ADAMTSL1: variants seen among roughly 807,000 people sequenced by gnomAD.
ADAMTSL1 encodes ADAMTS like 1, also known as ADAMTS-like protein 1.
ADAMTSL1 carries 126 observed loss-of-function variants against 201.8 expected under a neutral mutation model. The observed-to-expected ratio is 0.62, with a 90% confidence interval of 0.54 to 0.72. The LOEUF (loss-of-function observed/expected upper bound fraction) is 0.72. Ranked by LOEUF, ADAMTSL1 falls within the 30% of genes least tolerant of loss-of-function variation. ADAMTSL1 has a pLI of 0.00. For missense variants in ADAMTSL1, 2,679 were observed against 2,277.8 expected, an observed-to-expected ratio of 1.18 and a Z score of -3.59; for synonymous variants, 1,121 against 903.4, an observed-to-expected ratio of 1.24 and a Z score of -4.32.
chr9:18,894,928 C>T (rs1829525341), intron 26 of ADAMTSL1, among the ~76,000 whole-genome samples: 3 of 151,712 alleles, frequency 2.0e-5, no homozygotes, highest in Admixed American at 2.0e-4. Context: ...TAGGAAAATT[C>T]ACAGAGACCA....
chr9:17,946,052 ATGTGTATGTGTGTGTGTG>A (rs1166949098), intron 1 of ADAMTSL1, among the ~76,000 whole-genome samples: 4 of 107,566 alleles, frequency 3.7e-5, no homozygotes, highest in African/African-American at 1.3e-4. Flanking sequence ...TAAGCTCATG[ATGTGTATGTGTGTGTGTG>A]TGTGTGTGTG....
intron 1 of ADAMTSL1, among the ~76,000 whole-genome samples, chr9:18,034,388 G>T (rs1399051565): frequency 6.6e-6 from 1 of 151,912 alleles, no homozygotes; most frequent in Non-Finnish European, 1.5e-5. Context: ...TCTCCTCTCT[G>T]GCCATCTTGC....
intron 23 of ADAMTSL1, among the ~76,000 whole-genome samples, chr9:18,869,860 T>C (rs1827777505): frequency 6.6e-6 from 1 of 152,188 alleles, no homozygotes; most frequent in Admixed American, 6.5e-5. Flanking sequence ...TTGAGGATTT[T>C]ATTTCTTCCA....
At chr9:18,625,199 A>G (rs1035939629) in intron 5 of ADAMTSL1, among the ~76,000 whole-genome samples, 23 of 151,994 alleles carry the variant, frequency 1.5e-4, no homozygotes, top group African/African-American at 5.1e-4. Context: ...TCAGCTCGCC[A>G]CATGCTCTCT....
At chr9:18,351,659 C>T (rs981210426) in intron 2 of ADAMTSL1, among the ~76,000 whole-genome samples, 1 of 152,168 alleles carries the variant, frequency 6.6e-6, no homozygotes, top group Admixed American at 6.5e-5. Flanking sequence ...TTAAACTTGA[C>T]CTTCTAATAT....
At chr9:18,273,585 A>G (rs1268935821) in intron 2 of ADAMTSL1, among the ~76,000 whole-genome samples, 4 of 152,322 alleles carry the variant, frequency 2.6e-5, no homozygotes, top group African/African-American at 9.6e-5. Flanking sequence ...CCAAATTTGA[A>G]AATATATTCT....
At chr9:17,930,794 G>T (rs190551736) in intron 1 of ADAMTSL1, among the ~76,000 whole-genome samples, 9 of 152,274 alleles carry the variant, frequency 5.9e-5, no homozygotes, top group South Asian at 4.1e-4. Context: ...AGTTAGAAAT[G>T]CACTATGTGC....
chr9:18,656,408 G>T (rs1828661918), intron 7 of ADAMTSL1, among the ~76,000 whole-genome samples: 1 of 152,056 alleles, frequency 6.6e-6, no homozygotes, highest in African/African-American at 2.4e-5. Flanking sequence ...GAGGCGGGCA[G>T]ATCACGAGGT....
intron 1 of ADAMTSL1, among the ~76,000 whole-genome samples, chr9:17,955,752 G>A (rs1588473734): frequency 6.6e-6 from 1 of 152,090 alleles, no homozygotes; most frequent in African/African-American, 2.4e-5. Flanking sequence ...TATTATAGTT[G>A]TTAATCTCTT....
At chr9:18,058,249 A>G (rs1586961026) in intron 1 of ADAMTSL1, among the ~76,000 whole-genome samples, 1 of 152,214 alleles carries the variant, frequency 6.6e-6, no homozygotes, top group Non-Finnish European at 1.5e-5. Flanking sequence ...TTATAAGATC[A>G]AGAGATAAAT....
At chr9:18,848,600 G>T (rs967704328) in intron 23 of ADAMTSL1, among the ~76,000 whole-genome samples, 1 of 152,042 alleles carries the variant, frequency 6.6e-6, no homozygotes, top group Non-Finnish European at 1.5e-5. Context: ...GATTTTCAAG[G>T]CACAGATCAG....
intron 1 of ADAMTSL1, among the ~76,000 whole-genome samples, chr9:18,153,456 T>A (rs1258267517): frequency 6.6e-6 from 1 of 152,048 alleles, no homozygotes; most frequent in Non-Finnish European, 1.5e-5. Flanking sequence ...TTTATAGAAC[T>A]CAATTCTGTA....
rs971831954 is a variant in ADAMTSL1, at chr9:18,441,503, G to T, written c.208-63326G>T. ...AATAAGACAGGATTTCAGATCCAGT[G>T]CTTTTTTTCTGTTGGGGATAGAAAG... On this transcript the variant is annotated intron_variant, in intron 2 of 29. Transcript: ENST00000680146. Among the ~76,000 whole-genome samples, 28 of 152,108 alleles carry T rather than the reference G, an allele frequency of 1.8e-4. 1 individual carries two copies. Among genetic ancestry groups the T allele is most frequent in the Non-Finnish European group, 7.4e-5 (5 of 68,002 alleles).
chr9:18,161,589 A>G (rs1020120233), intron 1 of ADAMTSL1, among the ~76,000 whole-genome samples: 1 of 152,056 alleles, frequency 6.6e-6, no homozygotes, highest in Non-Finnish European at 1.5e-5. Context: ...TTTCTCAAAA[A>G]GAGAATTGCA....
chr9:17,964,074 C>T (rs1445197343), intron 1 of ADAMTSL1, among the ~76,000 whole-genome samples: 2 of 152,032 alleles, frequency 1.3e-5, no homozygotes, highest in Admixed American at 1.3e-4. Context: ...TTGTGAAAAC[C>T]ATGTTTCCTT....
intron 23 of ADAMTSL1, among the ~76,000 whole-genome samples, chr9:18,837,203 C>T (rs373532971): frequency 5.9e-5 from 9 of 152,120 alleles, no homozygotes; most frequent in Admixed American, 1.3e-4. Flanking sequence ...GTCTCAAAGA[C>T]GTTCTCATAT....
intron 2 of ADAMTSL1, among the ~76,000 whole-genome samples, chr9:18,243,286 CTT>C (rs943174444): frequency 9.2e-5 from 14 of 152,082 alleles, no homozygotes; most frequent in African/African-American, 3.1e-4. Context: ...TTCCTTCTCT[CTT>C]GTAATTCTTC....
intron 1 of ADAMTSL1, among the ~76,000 whole-genome samples, chr9:17,987,709 A>G (rs1563935488): frequency 6.6e-6 from 1 of 152,014 alleles, no homozygotes; most frequent in African/African-American, 2.4e-5. Context: ...TGTGCTCTCA[A>G]ATGCCTTGTT....
intron 23 of ADAMTSL1, 138 bp downstream of exon 23, chr9:18,830,115 A>G (rs1255520066): frequency 8.3e-7 from 1 of 1,203,428 alleles, no homozygotes; most frequent in Non-Finnish European, 1.1e-6. Context: ...TACAGAATCC[A>G]GACTCACCAG....
Sources: gnomAD v4.1 joint callset for allele counts (sites outside exome capture counted in the v4.1 genomes callset) on GRCh38, gnomAD v4.1.1 for gene constraint, MANE v1.5 for transcripts, NCBI Gene and HGNC (gene_info 2026-07-23, HGNC 2026-07-21) for gene names.